SSH1: variants seen among roughly 807,000 people sequenced by gnomAD.
The protein encoded by SSH1 is slingshot protein phosphatase 1.
SSH1 carries 43 observed loss-of-function variants against 79.7 expected under a neutral mutation model. The ratio of observed to expected loss-of-function variants is 0.54; its 90% CI spans 0.42 to 0.70. The LOEUF (loss-of-function observed/expected upper bound fraction) is 0.70. Ranked by LOEUF, SSH1 falls within the 30% of genes least tolerant of loss-of-function variation. The probability of loss-of-function intolerance (pLI) is 0.00; values close to 1 mark genes in which losing one functional copy is unlikely to be tolerated. For synonymous variants in SSH1, 599 were observed against 538.3 expected, an observed-to-expected ratio of 1.11 and a Z score of -1.56; for missense variants, 1,206 against 1,358.8, an observed-to-expected ratio of 0.89 and a Z score of 1.77.
chr12:108,804,470 A>G (rs1489118453), intron 10 of SSH1, among the ~76,000 whole-genome samples: 1 of 152,148 alleles, frequency 6.6e-6, no homozygotes, highest in Non-Finnish European at 1.5e-5. Context: ...AAACAATCTG[A>G]GCTAGCCGTG....
At chr12:108,799,711 A>G (rs1308739691) in intron 12 of SSH1, among the ~76,000 whole-genome samples, 1 of 152,228 alleles carries the variant, frequency 6.6e-6, no homozygotes, top group Admixed American at 6.5e-5. Context: ...CTCTTCAGAC[A>G]GGAGGGCCAG....
intron 4 of SSH1, 106 bp from the exon 5 acceptor site, chr12:108,817,265 G>A: frequency 6.5e-7 from 1 of 1,528,956 alleles, no homozygotes; most frequent in Non-Finnish European, 8.9e-7. Context: ...TTTCCCTCTG[G>A]GAGTTAAAAA....
chr12:108,792,865 G>A lies in SSH1; in HGVS notation c.1350-36C>T, dbSNP rs3741777. The A allele has an allele frequency of 1.5e-4, 245 of 1,611,804 alleles. No homozygotes were observed. In the East Asian group the frequency reaches 3.9e-3, roughly 26 times the overall value. ...AGAGGGTAGAGGAAGGTGAGGGGAG[G>A]AGGATGGTGCCTGGGGGTGCTGGGA... On this transcript the variant is annotated intron_variant, in intron 13 of 14. Coordinates refer to ENST00000326495, the MANE Select transcript of SSH1 (RefSeq NM_018984.4).
Position 108,852,632 on chromosome 12 carries a change from G to A in SSH1, c.110+6C>T. 6 of 1,614,080 alleles carry A rather than the reference G, an allele frequency of 3.7e-6. No homozygotes were observed. Among genetic ancestry groups the A allele is most frequent in the Non-Finnish European group, 5.1e-6 (6 of 1,179,978 alleles). ...ACTTAGGAACAAGAATTGAAAGTCT[G>A]CTTACCTGAGGTTTAATTTTCGATC... On this transcript the variant is annotated splice_donor_region_variant and intron_variant, in intron 2 of 14. Transcript: ENST00000326495.
Position 108,805,092 on chromosome 12 carries a change from C to T in SSH1, c.918G>A (p.Met306Ile). ...GATCGAAGATAAGGGAGGGCTTGTC[C>T]ATCTGTCCCAAGATAAGTAGCATCT... ...DNEMLLILGQ[M>I]DKPSLIFDHL... The change falls in exon 10 of 15, where the codon ATG (methionine) becomes ATA (isoleucine). Residue 306 changes from methionine (M) to isoleucine (I), a missense_variant. Physicochemically the swap from Met to Ile is conservative, Grantham distance 10. Transcript: ENST00000326495. The T allele has an allele frequency of 6.2e-7, 1 of 1,614,178 alleles. No homozygotes were observed.
chr12:108,817,241 T>G (rs761880524), intron 4 of SSH1, 82 bp from the exon 5 acceptor site: 22 of 1,569,280 alleles, frequency 1.4e-5, no homozygotes, highest in Non-Finnish European at 1.9e-5. Context: ...GATCAACACT[T>G]TCAGTGTTCT....
intron 1 of SSH1, among the ~76,000 whole-genome samples, chr12:108,855,327 G>A (rs1593142088): frequency 6.6e-6 from 1 of 152,188 alleles, no homozygotes; most frequent in Non-Finnish European, 1.5e-5. Context: ...GTTGCCTAAG[G>A]TTAGGGAGAA....
chr12:108,857,416 C>T lies in SSH1; in HGVS notation c.69+12G>A. The T allele has an allele frequency of 9.3e-7, 1 of 1,070,566 alleles. No homozygotes were observed. Among genetic ancestry groups the T allele is most frequent in the East Asian group, 1.0e-4 (1 of 9,818 alleles). 66.3% of individuals were successfully genotyped at this position (1,070,566 alleles called of 1,614,324 possible). A position where few individuals can be genotyped will look rare whatever the true frequency, so the allele number is the denominator to read the frequency against. ...GGCGGCCCAGGCCGGGCGCGGCGAG[C>T]CCGGGGCTCACCTCGCTGTTGCTGG... On this transcript the variant is annotated intron_variant, in intron 1 of 14. Transcript: ENST00000326495. This position sits in a 1 kb window ranked among gnomAD's most constrained non-coding sequence, Gnocchi z 4.7.
intron 2 of SSH1, among the ~76,000 whole-genome samples, chr12:108,832,848 G>A (rs1006470854): frequency 4.6e-5 from 7 of 152,052 alleles, no homozygotes; most frequent in East Asian, 1.9e-4. Context: ...CCTGTCAACC[G>A]GAGCTCCCAA....
chr12:108,806,845 G>C (rs2037303852), intron 8 of SSH1, among the ~76,000 whole-genome samples: 1 of 152,176 alleles, frequency 6.6e-6, no homozygotes, highest in African/African-American at 2.4e-5. Context: ...TTTAACTCTA[G>C]GGGACACACA....
chr12:108,781,742 C>T lies in SSH1; in HGVS notation c.*6246G>A, dbSNP rs1284210956. The T allele has an allele frequency of 2.0e-5, 3 of 152,140 alleles. No homozygotes were observed. The highest frequency in any genetic ancestry group is 4.8e-5 in the African/African-American group (2 of 41,418). 9.4% of individuals were successfully genotyped at this position (152,140 alleles called of 1,614,324 possible). On this transcript the variant is annotated 3_prime_UTR_variant, in exon 15 of 15. Coordinates refer to ENST00000326495, the MANE Select transcript of SSH1 (RefSeq NM_018984.4). ...TGGAAAGCAAGTAGAAATGATGTAT[C>T]GCATCCAGACAGAGGAGACTGAGTG...
chr12:108,789,286 A>G (rs745976291), intron 14 of SSH1, 42 bp from the exon 15 acceptor site: 1 of 1,562,146 alleles, frequency 6.4e-7, no homozygotes, highest in South Asian at 1.2e-5. Context: ...CGGTGCAGTC[A>G]TGAGCCAAAG....
intron 2 of SSH1, among the ~76,000 whole-genome samples, chr12:108,836,580 G>A (rs964612588): frequency 2.0e-5 from 3 of 152,212 alleles, no homozygotes; most frequent in Admixed American, 6.5e-5. Context: ...TTTAAGAGCA[G>A]ATTATAAACC....
At chr12:108,824,174 G>A (rs576786602) in intron 2 of SSH1, among the ~76,000 whole-genome samples, 2 of 152,316 alleles carry the variant, frequency 1.3e-5, no homozygotes, top group African/African-American at 2.4e-5. Flanking sequence ...GAGGGGCCGG[G>A]TGGCTCAAGC....
At chr12:108,811,419 G>T in intron 5 of SSH1, 91 bp from the exon 6 acceptor site, 1 of 1,162,330 alleles carries the variant, frequency 8.6e-7, no homozygotes, top group Non-Finnish European at 1.3e-6. Flanking sequence ...AGGACGGGCT[G>T]TTGGACGTAC....
Position 108,802,360 on chromosome 12 carries a change from T to C in SSH1, c.963A>G (p.Glu321=). ...GTTCCTCCAGATTGGATGCATTCCA[T>C]TCAGAGCCCTGGGAGACAGATCACA... ...LIFDHLYLGS[E]WNASNLEELQ... The change falls in exon 11 of 15, where the codon GAA becomes GAG. Residue 321 remains glutamate, a synonymous_variant. Transcript: ENST00000326495. The C allele has an allele frequency of 1.2e-6, 2 of 1,614,078 alleles. No individual in the cohort carries two copies. The highest frequency in any genetic ancestry group is 1.7e-6 in the Non-Finnish European group (2 of 1,180,002).
At chr12:108,837,778 A>AT (rs896849028) in intron 2 of SSH1, among the ~76,000 whole-genome samples, 68 of 145,332 alleles carry the variant, frequency 4.7e-4, no homozygotes, top group Admixed American at 5.5e-4. Flanking sequence ...CGAGTTACCA[A>AT]TTTTTTTTTT....
rs185571169 is a variant in SSH1 at position 108,792,840 on chromosome 12, A to G, written c.1350-11T>C. On this transcript the variant is annotated splice_polypyrimidine_tract_variant and intron_variant, in intron 13 of 14. Coordinates refer to ENST00000326495, the MANE Select transcript of SSH1 (RefSeq NM_018984.4). ...TTGTGCCGCTGTTTGCTGCGGGGAG[A>G]GAGGGTAGAGGAAGGTGAGGGGAGG... is the stretch of plus-strand genomic sequence containing the variant. 1,622 of 1,612,598 alleles carry G rather than the reference A, an allele frequency of 1.0e-3. 13 individuals carry two copies. In the African/African-American group the frequency reaches 0.016, roughly 16 times the overall value.
At position 108,814,322 on chromosome 12, in the gene SSH1, C is replaced by T. The variant is rs139708570; in HGVS notation, c.401+2716G>A. Among the ~76,000 whole-genome samples, 802 of 152,078 alleles carry T rather than the reference C, an allele frequency of 5.3e-3. 2 individuals carry two copies. Among genetic ancestry groups the T allele is most frequent in the Non-Finnish European group, 9.4e-3 (641 of 67,970 alleles). ...GAAGCGTTGGACTCTTATGAAGATGCCCTTTGGGGGTAATGCTTGTCTCTT... is the reference window on the plus strand; with the variant it reads ...GAAGCGTTGGACTCTTATGAAGATGTCCTTTGGGGGTAATGCTTGTCTCTT... On this transcript the variant is annotated intron_variant, in intron 5 of 14. Coordinates refer to ENST00000326495, the MANE Select transcript of SSH1 (RefSeq NM_018984.4).
Sources: allele counts gnomAD v4.1 joint callset (sites outside exome capture counted in the v4.1 genomes callset), GRCh38; gene constraint gnomAD v4.1.1; non-coding constraint Gnocchi (gnomAD v3.1); transcripts MANE v1.5; gene names NCBI Gene and HGNC (gene_info 2026-07-23, HGNC 2026-07-21).